FHIP1A: variants seen among roughly 807,000 people sequenced by gnomAD.
The protein encoded by FHIP1A is FHF complex subunit HOOK-interacting protein 1A.
Under a neutral mutation model 88.6 loss-of-function variants are expected in FHIP1A, and 61 were observed. The observed-to-expected ratio is 0.69, with a 90% CI of 0.56 to 0.85. The LOEUF (loss-of-function observed/expected upper bound fraction) is 0.85. Ranked by LOEUF, FHIP1A falls within the 40% of genes least tolerant of loss-of-function variation. The pLI, the probability that FHIP1A is intolerant of heterozygous loss-of-function variation, is 0.00. For synonymous variants in FHIP1A, 478 were observed against 496.0 expected (o/e 0.96, Z 0.48); for missense variants, 1,154 against 1,273.5 (o/e 0.91, Z 1.43).
intron 3 of FHIP1A, among the ~76,000 whole-genome samples, chr4:151,525,734 A>G (rs1000702919): frequency 6.9e-6 from 1 of 145,898 alleles, no homozygotes; most frequent in Non-Finnish European, 1.5e-5. Flanking sequence ...TTTGCTGCTC[A>G]CCTTTGTACT....
intron 9 of FHIP1A, among the ~76,000 whole-genome samples, chr4:151,641,758 TA>T (rs1297995404): frequency 6.6e-6 from 1 of 152,164 alleles, no homozygotes; most frequent in Non-Finnish European, 1.5e-5. Flanking sequence ...GCAAAGCCAA[TA>T]AAAAAATCTT....
In FHIP1A at chr4:151,588,873, A is replaced by G. The variant is rs1405881562; in HGVS notation, c.925A>G (p.Asn309Asp). 1 of 1,551,462 alleles carries G rather than the reference A, an allele frequency of 6.4e-7. No individual in the cohort carries two copies. ...CCCCTTGATTCGAAATCAGCTTGTC[A>G]ATTACATTTACAATGGATTTTTGGT... ...AHPLIRNQLVNYIYNGFLVPV... is the reference protein window; with the variant it reads ...AHPLIRNQLVDYIYNGFLVPV... Residue 309 changes from asparagine to aspartate, a missense_variant, in exon 7 of 14, where the codon AAT (asparagine) becomes GAT (aspartate). By Grantham distance (23) the Asn-to-Asp change is conservative (BLOSUM62 1). Coordinates refer to ENST00000435205, the MANE Select transcript of FHIP1A (RefSeq NM_001109977.3).
intron 3 of FHIP1A, among the ~76,000 whole-genome samples, chr4:151,544,590 C>T (rs577041763): frequency 6.6e-5 from 10 of 152,172 alleles, no homozygotes; most frequent in East Asian, 1.9e-4. Flanking sequence ...CCTCACAGAC[C>T]GAGACCTCAG....
At chr4:151,559,122 A>G (rs1035080938) in intron 3 of FHIP1A, among the ~76,000 whole-genome samples, 11 of 152,186 alleles carry the variant, frequency 7.2e-5, no homozygotes, top group Non-Finnish European at 1.5e-4. Flanking sequence ...ATGGAGTCAA[A>G]TAGCATATTG....
At chr4:151,566,508 G>A in intron 4 of FHIP1A, 144 bp downstream of exon 4, 1 of 601,596 alleles carries the variant, frequency 1.7e-6, no homozygotes, top group Non-Finnish European at 2.9e-6. Context: ...AGGAAGAAAA[G>A]TAACTTTTTC....
chr4:151,575,564 C>T (rs970482580), intron 4 of FHIP1A, among the ~76,000 whole-genome samples: 8 of 151,984 alleles, frequency 5.3e-5, no homozygotes, highest in Non-Finnish European at 1.0e-4. Flanking sequence ...AGTCAGTGGG[C>T]CAGGTACTCC....
rs1477900410 is a variant in FHIP1A at position 151,662,577 on chromosome 4, C to T, written c.2946C>T (p.Phe982=). The change falls in exon 14 of 14, where the codon TTC becomes TTT. Residue 982 remains phenylalanine, a synonymous_variant. Coordinates refer to ENST00000435205, the MANE Select transcript of FHIP1A (RefSeq NM_001109977.3). ...LDGPPRVLQP[F]LTHRTKVAEA... ...GACCTCCAAGAGTGCTTCAGCCCTT[C>T]CTGACCCACAGAACCAAGGTGGCTG... is the stretch of plus-strand genomic sequence containing the variant. The T allele has an allele frequency of 3.9e-6, 6 of 1,551,570 alleles. No homozygotes were observed. The highest frequency in any genetic ancestry group is 1.2e-5 in the South Asian group (1 of 84,042).
chr4:151,585,492 C>G (rs1238371873), intron 5 of FHIP1A, among the ~76,000 whole-genome samples: 1 of 152,134 alleles, frequency 6.6e-6, no homozygotes, highest in Admixed American at 6.5e-5. Context: ...TAGCTGGCTC[C>G]TTTGCATTCA....
chr4:151,480,700 A>C (rs1729861736), intron 2 of FHIP1A, among the ~76,000 whole-genome samples: 1 of 151,986 alleles, frequency 6.6e-6, no homozygotes, highest in Admixed American at 6.6e-5. Context: ...GTATTGAGGA[A>C]ATCTGAATAT....
At position 151,533,271 on chromosome 4, in the gene FHIP1A, C is replaced by A. The variant is rs187403982; in HGVS notation, c.-122-32867C>A. On this transcript the variant is annotated intron_variant, in intron 3 of 13. Transcript: ENST00000435205. The stretch of plus-strand genomic sequence containing the variant: ...ATTAGCTGAGCATGGTGGTGCATGC[C>A]TGTGGTCCCAGCTACTGGGCTGGTG... Among the ~76,000 whole-genome samples the A allele has an allele frequency of 5.6e-3, 845 of 152,102 alleles. 5 individuals carry two copies. Among genetic ancestry groups the A allele is most frequent in the African/African-American group, 0.019 (768 of 41,480 alleles).
intron 7 of FHIP1A, among the ~76,000 whole-genome samples, chr4:151,596,247 T>C (rs982348677): frequency 1.3e-5 from 2 of 152,220 alleles, no homozygotes; most frequent in Admixed American, 6.5e-5. Flanking sequence ...CCGCATTTGC[T>C]TGTCTGTAAA....
chr4:151,472,024 C>T (rs1729531450), intron 2 of FHIP1A, among the ~76,000 whole-genome samples: 1 of 152,072 alleles, frequency 6.6e-6, no homozygotes, highest in South Asian at 2.1e-4. Context: ...GATCGATGGG[C>T]ATTTGGGTTG....
At chr4:151,525,014 T>C (rs952639952) in intron 3 of FHIP1A, among the ~76,000 whole-genome samples, 1 of 152,236 alleles carries the variant, frequency 6.6e-6, no homozygotes, top group African/African-American at 2.4e-5. Context: ...ATGATTATCT[T>C]ATTTTATTTT....
At chr4:151,454,619 C>T (rs566758636) in intron 1 of FHIP1A, 82 bp from the exon 2 acceptor site, 25 of 151,606 alleles carry the variant, frequency 1.6e-4, no homozygotes, top group East Asian at 1.9e-4. Flanking sequence ...CTTAGAAATC[C>T]GAAGCAGAGA....
rs749068714 is a variant in FHIP1A at position 151,613,454 on chromosome 4, C to T, written c.979-16248C>T. 2.6e-5 allele frequency among the ~76,000 whole-genome samples: 4 copies of T among 152,240 alleles called. No individual in the cohort carries two copies. In the East Asian group the frequency reaches 5.8e-4, roughly 22 times the overall value. On this transcript the variant is annotated intron_variant, in intron 7 of 13. Coordinates refer to ENST00000435205, the MANE Select transcript of FHIP1A (RefSeq NM_001109977.3). Reference sequence around the variant, plus strand: ...TGATGACTGAATGGGCAGTGCAGGCCGAGGGCTGTCATCACTGACATTGCC... The same window carrying T: ...TGATGACTGAATGGGCAGTGCAGGCTGAGGGCTGTCATCACTGACATTGCC...
chr4:151,540,112 C>T (rs567880291), intron 3 of FHIP1A, among the ~76,000 whole-genome samples: 290 of 152,280 alleles, frequency 1.9e-3, no homozygotes, highest in Non-Finnish European at 2.9e-3. Flanking sequence ...AAAATGCTGG[C>T]AAATAAATTT....
At chr4:151,507,049 C>T (rs1730859753) in intron 3 of FHIP1A, among the ~76,000 whole-genome samples, 1 of 152,126 alleles carries the variant, frequency 6.6e-6, no homozygotes, top group Admixed American at 6.5e-5. Flanking sequence ...TTGAGATTTC[C>T]TACCCAGAAT....
intron 3 of FHIP1A, among the ~76,000 whole-genome samples, chr4:151,505,016 CTGTT>C (rs1257690646): frequency 7.2e-5 from 11 of 152,316 alleles, no homozygotes; most frequent in East Asian, 5.8e-4. Flanking sequence ...GACCCAGTCT[CTGTT>C]TGTCTCTGTG....
chr4:151,464,306 T>C (rs1729235000), intron 2 of FHIP1A, among the ~76,000 whole-genome samples: 1 of 152,220 alleles, frequency 6.6e-6, no homozygotes, highest in East Asian at 1.9e-4. Context: ...AGCCTTTTAT[T>C]CCCTCTAAAG....
Sources: allele counts gnomAD v4.1 joint callset (sites outside exome capture counted in the v4.1 genomes callset), GRCh38; gene constraint gnomAD v4.1.1; transcripts MANE v1.5; gene names NCBI Gene and HGNC (gene_info 2026-07-23, HGNC 2026-07-21).